The following CFHR3 variants were observed in gnomAD, a reference collection of about 807,000 sequenced individuals.
CFHR3 encodes complement factor H related 3.
CFHR3 carries 22 observed loss-of-function variants against 36.0 expected under a neutral mutation model. The observed-to-expected ratio is 0.61, with a 90% CI of 0.44 to 0.87. CFHR3 has a LOEUF of 0.87. Ranked by LOEUF, CFHR3 falls within the 40% of genes least tolerant of loss-of-function variation. The pLI is 0.00. For synonymous variants in CFHR3, 97 were observed against 137.4 expected (o/e 0.71, Z 2.06); for missense variants, 276 against 401.3 (o/e 0.69, Z 2.67).
chr1:196,785,032 G>C (rs1654137337), intron 3 of CFHR3, among the ~76,000 whole-genome samples: 1 of 135,332 alleles, frequency 7.4e-6, no homozygotes, highest in Admixed American at 7.1e-5. Context: ...TTGCTTATCT[G>C]TAAAGGATTT....
rs1319941771 is a variant in CFHR3 at position 196,794,833 on chromosome 1, A to T, written c.*1320A>T. 1.7e-5 allele frequency: 4 copies of T among 240,188 alleles called. 1 individual carries two copies. Among genetic ancestry groups the T allele is most frequent in the African/African-American group, 1.2e-4 (4 of 33,476 alleles). 14.9% of individuals were successfully genotyped at this position (240,188 alleles called of 1,614,324 possible). A position where few individuals can be genotyped will look rare whatever the true frequency, so the allele number is the denominator to read the frequency against. Reference sequence around the variant, plus strand: ...GTTCCCTTTCCCAACACTTTTCCTGATTATAGAGAAAAAAGCATGAACTTG... The same window carrying T: ...GTTCCCTTTCCCAACACTTTTCCTGTTTATAGAGAAAAAAGCATGAACTTG... On this transcript the variant is annotated 3_prime_UTR_variant, in exon 6 of 6. Transcript: ENST00000367425.
intron 1 of CFHR3, among the ~76,000 whole-genome samples, chr1:196,775,748 G>T (rs1389844266): frequency 7.3e-6 from 1 of 136,608 alleles, no homozygotes; most frequent in Non-Finnish European, 1.6e-5. Flanking sequence ...AAAAATCATG[G>T]ACAATCAAGG....
At chr1:196,780,793 C>T (rs1167532106) in intron 3 of CFHR3, among the ~76,000 whole-genome samples, 1 of 132,150 alleles carries the variant, frequency 7.6e-6, no homozygotes, top group African/African-American at 3.3e-5. Flanking sequence ...TTTTTTGGTT[C>T]TTTTTTTATA....
chr1:196,793,492 G>A lies in CFHR3; in HGVS notation c.972G>A (p.Val324=), dbSNP rs561946108. 1.3e-6 allele frequency: 2 copies of A among 1,525,590 alleles called. No homozygotes were observed. Among genetic ancestry groups the A allele is most frequent in the East Asian group, 2.2e-5 (1 of 44,508 alleles). The allele number at this position is 1,525,590 out of a possible 1,614,324, so 94.5% of individuals were successfully genotyped here. A position where few individuals can be genotyped will look rare whatever the true frequency, so the allele number is the denominator to read the frequency against. ...AAGCAGTGTGTCGGGAAGGGATAGT[G>A]GAATACCCCAGATGCGAATAAGGCA... The part of the protein sequence containing the change: ...SFQAVCREGI[V]EYPRCE The change falls in exon 6 of 6, where the codon GTG becomes GTA. Residue 324 remains valine, a synonymous_variant. Transcript: ENST00000367425.
rs1487754369 is a variant in CFHR3, at chr1:196,789,635, C to T, written c.614-410C>T. 32 of 1,406,484 alleles carry T rather than the reference C, an allele frequency of 2.3e-5. 5 individuals carry two copies. Among genetic ancestry groups the T allele is most frequent in the East Asian group, 4.7e-5 (2 of 42,174 alleles). 87.1% of individuals were successfully genotyped at this position (1,406,484 alleles called of 1,614,324 possible). On this transcript the variant is annotated intron_variant, in intron 4 of 5. Coordinates refer to ENST00000367425, the MANE Select transcript of CFHR3 (RefSeq NM_021023.6). ...ACTTTTAAATTCACAAATTTAAAAG[C>T]GGTTTAAGCTCCGTGACACATTGGA... is the stretch of plus-strand genomic sequence containing the variant.
intron 3 of CFHR3, among the ~76,000 whole-genome samples, chr1:196,787,651 G>A (rs1654263069): frequency 7.3e-6 from 1 of 136,376 alleles, no homozygotes; most frequent in East Asian, 1.9e-4. Flanking sequence ...ACTTATTTTT[G>A]CTATCTTGCT....
At position 196,795,031 on chromosome 1, in the gene CFHR3, T is replaced by A. The variant is rs1159903333; in HGVS notation, c.*1518T>A. ...AGACTGGAGAATAAAAAGTAAAAAA[T>A]TGTTTTATTAATTCCAGTGACTAAT... is the stretch of plus-strand genomic sequence containing the variant. On this transcript the variant is annotated 3_prime_UTR_variant, in exon 6 of 6. Coordinates refer to ENST00000367425, the MANE Select transcript of CFHR3 (RefSeq NM_021023.6). The A allele has an allele frequency of 7.3e-6, 1 of 136,660 alleles. No homozygotes were observed. The highest frequency in any genetic ancestry group is 1.5e-5 in the Non-Finnish European group (1 of 64,578). The allele number at this position is 136,660 out of a possible 1,614,324, so 8.5% of individuals were successfully genotyped here.
chr1:196,779,260 T>C lies in CFHR3; in HGVS notation c.157T>C (p.Tyr53His), dbSNP rs752063858. 20 of 1,526,230 alleles carry C rather than the reference T, an allele frequency of 1.3e-5. 6 individuals carry two copies. In the African/African-American group the frequency reaches 3.1e-4, roughly 24 times the overall value. 94.5% of individuals were successfully genotyped at this position (1,526,230 alleles called of 1,614,324 possible). ...FPVAVGKYYS[Y>H]YCDEHFETPS... ...AGTAGCTGTAGGAAAATATTACTCC[T>C]ATTACTGTGATGAACATTTTGAGAC... The change falls in exon 2 of 6, where the codon TAT becomes CAT. Residue 53 changes from tyrosine to histidine, a missense_variant. Physicochemically the swap from Tyr to His is moderately conservative, Grantham distance 83 (BLOSUM62 2). Coordinates refer to ENST00000367425, the MANE Select transcript of CFHR3 (RefSeq NM_021023.6).
Position 196,787,286 on chromosome 1 carries a change from G to A in CFHR3, c.431-930G>A, listed in dbSNP as rs566796428. Among the ~76,000 whole-genome samples the A allele has an allele frequency of 6.6e-5, 9 of 137,234 alleles. No homozygotes were observed. The East Asian group carries it at 1.2e-3, about 18-fold the overall frequency. The allele number at this position is 137,234 out of a possible 152,430, so 90.0% of individuals were successfully genotyped here. On this transcript the variant is annotated intron_variant, in intron 3 of 5. Transcript: ENST00000367425. ...AATATTGTTGTGTGTCAAGCACTTTGTAGGTATTGAAAATAAAGCTGTTTA... is the reference window on the plus strand; with the variant it reads ...AATATTGTTGTGTGTCAAGCACTTTATAGGTATTGAAAATAAAGCTGTTTA...
intron 4 of CFHR3, chr1:196,788,883 T>G: frequency 7.0e-7 from 1 of 1,431,734 alleles, no homozygotes; most frequent in Non-Finnish European, 9.2e-7. Flanking sequence ...ACTGAGGATA[T>G]CCAATCAAAA....
intron 1 of CFHR3, among the ~76,000 whole-genome samples, chr1:196,778,600 C>G: frequency 7.3e-6 from 1 of 136,098 alleles, no homozygotes; most frequent in East Asian, 2.0e-4. Context: ...TCATCCGATA[C>G]ATGAATTCTA....
At position 196,788,980 on chromosome 1, in the gene CFHR3, C is replaced by G. The variant is rs566236083; in HGVS notation, c.613+582C>G. 1.4e-4 allele frequency: 183 copies of G among 1,320,648 alleles called. 26 individuals are homozygous for G. The highest frequency in any genetic ancestry group is 4.7e-4 in the South Asian group (26 of 54,814). The allele number at this position is 1,320,648 out of a possible 1,614,324, so 81.8% of individuals were successfully genotyped here. Reference sequence around the variant, plus strand: ...GGGCTGAATGTTTACAAACCTCATACTTGCCAATGGATTCTTTACATGTAA... The same window carrying G: ...GGGCTGAATGTTTACAAACCTCATAGTTGCCAATGGATTCTTTACATGTAA... On this transcript the variant is annotated intron_variant, in intron 4 of 5. Transcript: ENST00000367425.
chr1:196,794,415 A>G lies in CFHR3; in HGVS notation c.*902A>G, dbSNP rs1178929451. Among the ~76,000 whole-genome samples, 6 of 137,418 alleles carry G rather than the reference A, an allele frequency of 4.4e-5. 1 individual carries two copies. The highest frequency in any genetic ancestry group is 9.3e-5 in the Non-Finnish European group (6 of 64,600). 90.2% of individuals were successfully genotyped at this position (137,418 alleles called of 152,430 possible). ...GGGGCAGAGGTTGAACTGAGCCAAG[A>G]TAGTGCCACTGCACTCCAGCCTGGG... is the stretch of plus-strand genomic sequence containing the variant. On this transcript the variant is annotated 3_prime_UTR_variant, in exon 6 of 6. Coordinates refer to ENST00000367425, the MANE Select transcript of CFHR3 (RefSeq NM_021023.6).
At position 196,788,236 on chromosome 1, in the gene CFHR3, A is replaced by G. The variant is rs201601675; in HGVS notation, c.451A>G (p.Ile151Val). 1.9e-5 allele frequency: 28 copies of G among 1,441,244 alleles called. 8 individuals are homozygous for G. In the African/African-American group the frequency reaches 4.6e-4, roughly 24 times the overall value. The allele number at this position is 1,441,244 out of a possible 1,614,324, so 89.3% of individuals were successfully genotyped here. The change falls in exon 4 of 6, where the codon ATA (isoleucine) becomes GTA (valine). Residue 151 changes from isoleucine (I) to valine (V), a missense_variant. Physicochemically the swap from Ile to Val is conservative, Grantham distance 29 (BLOSUM62 3). Coordinates refer to ENST00000367425, the MANE Select transcript of CFHR3 (RefSeq NM_021023.6). The part of the protein sequence containing the change: ...IRVRTCSKSD[I>V]EIENGFISES... Reference sequence around the variant, plus strand: ...TTTAGGAACATGCTCAAAATCAGATATAGAAATTGAAAATGGATTCATTTC... The same window carrying G: ...TTTAGGAACATGCTCAAAATCAGATGTAGAAATTGAAAATGGATTCATTTC...
At chr1:196,792,423 A>G (rs1279548085) in intron 5 of CFHR3, among the ~76,000 whole-genome samples, 2 of 111,052 alleles carry the variant, frequency 1.8e-5, no homozygotes, top group Non-Finnish European at 3.5e-5. Flanking sequence ...TCATGTAAGT[A>G]CTAGGCTTAA....
chr1:196,777,986 A>T (rs201692980), intron 1 of CFHR3, among the ~76,000 whole-genome samples: 29,447 of 122,014 alleles, frequency 0.24, 7,160 homozygotes, highest in East Asian at 0.5. Context: ...GACTGTTAAA[A>T]AAAAAAAAAA....
chr1:196,778,849 C>T (rs1277619611), intron 1 of CFHR3, among the ~76,000 whole-genome samples: 2 of 136,466 alleles, frequency 1.5e-5, no homozygotes, highest in Non-Finnish European at 3.1e-5. Context: ...GATAAAACCT[C>T]CAGAATTGCT....
Position 196,789,326 on chromosome 1 carries a change from G to A in CFHR3, c.614-719G>A. Reference sequence around the variant, plus strand: ...GAGAAAAAAGATACACTTACAAAGTGATTATCTCAATGTTATCATGAGTTT... The same window carrying A: ...GAGAAAAAAGATACACTTACAAAGTAATTATCTCAATGTTATCATGAGTTT... On this transcript the variant is annotated intron_variant, in intron 4 of 5. Transcript: ENST00000367425. 2 of 885,018 alleles carry A rather than the reference G, an allele frequency of 2.3e-6. 1 individual carries two copies. Among genetic ancestry groups the A allele is most frequent in the Non-Finnish European group, 2.7e-6 (2 of 747,856 alleles). 54.8% of individuals were successfully genotyped at this position (885,018 alleles called of 1,614,324 possible). A position where few individuals can be genotyped will look rare whatever the true frequency, so the allele number is the denominator to read the frequency against.
rs1309248548 is a variant in CFHR3, at chr1:196,795,304, T to C, written c.*1791T>C. ...GGACAAGTTCTCTTGCCTGCCACCA[T>C]GTAAGATGTACCTTTGCTACTCATT... On this transcript the variant is annotated 3_prime_UTR_variant, in exon 6 of 6. Coordinates refer to ENST00000367425, the MANE Select transcript of CFHR3 (RefSeq NM_021023.6). 1.5e-5 allele frequency: 2 copies of C among 136,978 alleles called. 1 individual carries two copies. Among genetic ancestry groups the C allele is most frequent in the African/African-American group, 6.1e-5 (2 of 32,736 alleles). The allele number at this position is 136,978 out of a possible 1,614,324, so 8.5% of individuals were successfully genotyped here. A position where few individuals can be genotyped will look rare whatever the true frequency, so the allele number is the denominator to read the frequency against.
Sources: allele counts gnomAD v4.1 joint callset (sites outside exome capture counted in the v4.1 genomes callset), GRCh38; gene constraint gnomAD v4.1.1; transcripts MANE v1.5; gene names NCBI Gene and HGNC (gene_info 2026-07-23, HGNC 2026-07-21).